Variants in IGF2R observed in about 807,000 individuals in gnomAD.
IGF2R encodes the protein insulin like growth factor 2 receptor.
In IGF2R, 91 loss-of-function variants were observed where a neutral mutation model predicts 270.6. That is an observed-to-expected ratio of 0.34 (90% confidence interval 0.28 to 0.40). IGF2R has a LOEUF of 0.40. Ranked by LOEUF, IGF2R falls within the 10% of genes least tolerant of loss-of-function variation. The pLI, the probability that IGF2R is intolerant of heterozygous loss-of-function variation, is 1.00. For synonymous variants in IGF2R, 1,316 were observed against 1,258.9 expected, an observed-to-expected ratio of 1.05 and a Z score of -0.96; for missense variants, 2,805 against 3,188.3, an observed-to-expected ratio of 0.88 and a Z score of 2.90.
chr6:160,067,963 T>C (rs1158897479), intron 29 of IGF2R, among the ~76,000 whole-genome samples: 3 of 152,120 alleles, frequency 2.0e-5, no homozygotes, highest in Non-Finnish European at 4.4e-5. Flanking sequence ...CTTTGCAGAC[T>C]TGAGTTTTTC....
At chr6:160,048,245 C>T in intron 17 of IGF2R, 130 bp from the exon 18 acceptor site, 1 of 885,940 alleles carries the variant, frequency 1.1e-6, no homozygotes, top group South Asian at 1.5e-5. Context: ...CCAGACAAGC[C>T]AACTCCTGGT....
At chr6:160,096,672 C>T in intron 45 of IGF2R, 47 bp downstream of exon 45, 1 of 1,454,398 alleles carries the variant, frequency 6.9e-7, no homozygotes, top group Non-Finnish European at 9.5e-7. Context: ...CACATCTTCC[C>T]TTAAGAATAA....
intron 7 of IGF2R, among the ~76,000 whole-genome samples, chr6:160,031,962 C>A (rs1170117254): frequency 1.3e-5 from 2 of 152,142 alleles, no homozygotes; most frequent in African/African-American, 2.4e-5. Context: ...TCTGTAGAAG[C>A]AACACAATGG....
At chr6:159,988,435 C>G (rs1438120730) in intron 1 of IGF2R, among the ~76,000 whole-genome samples, 1 of 149,800 alleles carries the variant, frequency 6.7e-6, no homozygotes, top group East Asian at 2.0e-4. Context: ...ATGGCGTGAA[C>G]CCGGGAGGTG....
chr6:160,074,207 A>G (rs1778809663), intron 35 of IGF2R: 6 of 556,504 alleles, frequency 1.1e-5, no homozygotes, highest in Non-Finnish European at 1.9e-5. Context: ...TAACACGAAT[A>G]TGTGTGTAGG....
chr6:160,001,420 G>A (rs945964448), intron 2 of IGF2R, among the ~76,000 whole-genome samples: 4 of 151,958 alleles, frequency 2.6e-5, no homozygotes, highest in African/African-American at 9.7e-5. Flanking sequence ...GCACTGTGGT[G>A]TGTTGTATAA....
intron 1 of IGF2R, among the ~76,000 whole-genome samples, chr6:159,988,301 AT>A (rs1443521571): frequency 3.9e-5 from 6 of 151,974 alleles, no homozygotes; most frequent in Non-Finnish European, 5.9e-5. Flanking sequence ...GGATCACGAG[AT>A]CAGGAGATTA....
In IGF2R at chr6:159,969,360, G is replaced by C; in HGVS notation, c.114G>C (p.Thr38=). 7.7e-7 allele frequency: 1 copy of C among 1,295,646 alleles called. No individual in the cohort carries two copies. The highest frequency in any genetic ancestry group is 2.4e-5 in the South Asian group (1 of 41,136). 80.3% of individuals were successfully genotyped at this position (1,295,646 alleles called of 1,614,324 possible). A position where few individuals can be genotyped will look rare whatever the true frequency, so the allele number is the denominator to read the frequency against. ...LLLLVAAPGS[T]QAQAAPFPEL... is the part of the protein sequence containing the mutation. Reference sequence around the variant, plus strand: ...TGCTCGTCGCTGCCCCGGGGTCCACGCAGGCCCAGGCCGCCCCGTTCCCCG... The same window carrying C: ...TGCTCGTCGCTGCCCCGGGGTCCACCCAGGCCCAGGCCGCCCCGTTCCCCG... The change falls in exon 1 of 48, where the codon ACG becomes ACC. Residue 38 remains threonine, a synonymous_variant. Coordinates refer to ENST00000356956, the MANE Select transcript of IGF2R (RefSeq NM_000876.4).
intron 14 of IGF2R, among the ~76,000 whole-genome samples, 166 bp downstream of exon 14, chr6:160,046,048 G>A (rs1010933177): frequency 3.3e-5 from 5 of 152,196 alleles, no homozygotes; most frequent in African/African-American, 1.2e-4. Flanking sequence ...TTGAGATACT[G>A]AAAATACTAT....
Position 160,102,114 on chromosome 6 carries a change from G to C in IGF2R, c.6843-405G>C, listed in dbSNP as rs1426050788. 6.6e-6 allele frequency among the ~76,000 whole-genome samples: 1 copy of C among 152,230 alleles called. No homozygotes were observed. The highest frequency in any genetic ancestry group is 2.4e-5 in the African/African-American group (1 of 41,458). Reference sequence around the variant, plus strand: ...TGGTGGGCTGCGCTCACTGCTTCCAGAAGAAATTCTGAGAGGAAAGAGCTC... The same window carrying C: ...TGGTGGGCTGCGCTCACTGCTTCCACAAGAAATTCTGAGAGGAAAGAGCTC... On this transcript the variant is annotated intron_variant, in intron 45 of 47. Coordinates refer to ENST00000356956, the MANE Select transcript of IGF2R (RefSeq NM_000876.4). The surrounding 1 kb of genome is among the most constrained non-coding windows in gnomAD (Gnocchi z 4.5).
At chr6:160,038,267 G>A (rs971588621) in intron 10 of IGF2R, among the ~76,000 whole-genome samples, 2 of 152,204 alleles carry the variant, frequency 1.3e-5, no homozygotes, top group African/African-American at 4.8e-5. Flanking sequence ...TTGCTGATGA[G>A]TGGACAGAAA....
chr6:160,043,426 T>A, intron 12 of IGF2R, 138 bp downstream of exon 12: 1 of 1,023,298 alleles, frequency 9.8e-7, no homozygotes, highest in East Asian at 2.6e-5. Context: ...AATTTTTCAT[T>A]CATAACTCAA....
At chr6:160,095,785 G>A (rs961167218) in intron 44 of IGF2R, 1 of 152,472 alleles carries the variant, frequency 6.6e-6, no homozygotes, top group African/African-American at 2.4e-5. Flanking sequence ...CATATCTGCC[G>A]TTGGCTGACT....
chr6:160,050,461 G>T lies in IGF2R; in HGVS notation c.2515-12G>T. 1.2e-6 allele frequency: 2 copies of T among 1,601,024 alleles called. No individual in the cohort carries two copies. Among genetic ancestry groups the T allele is most frequent in the Non-Finnish European group, 1.7e-6 (2 of 1,169,444 alleles). ...CAGGGGGAAAAGCCTAACAAGACTG[G>T]TTTTCTTGCAGGGCTCCTTCACTGA... On this transcript the variant is annotated splice_polypyrimidine_tract_variant and intron_variant, in intron 18 of 47. Coordinates refer to ENST00000356956, the MANE Select transcript of IGF2R (RefSeq NM_000876.4). This position sits in a 1 kb window ranked among gnomAD's most constrained non-coding sequence, Gnocchi z 4.0.
chr6:160,034,102 GCTGT>G (rs1486764521), intron 9 of IGF2R, among the ~76,000 whole-genome samples: 1 of 152,232 alleles, frequency 6.6e-6, no homozygotes, highest in East Asian at 1.9e-4. Context: ...TGTTAAGAAG[GCTGT>G]CTAATTCTTG....
chr6:160,048,551 T>C lies in IGF2R; in HGVS notation c.2514+8T>C. ...AAGTATGAAAAAGATCAGGTGAATC[T>C]GTTTTCACTGCTTGTCTCCTTTGCC... On this transcript the variant is annotated splice_region_variant and intron_variant, in intron 18 of 47. Transcript: ENST00000356956. 1.2e-6 allele frequency: 2 copies of C among 1,612,060 alleles called. No homozygotes were observed. The highest frequency in any genetic ancestry group is 1.7e-6 in the Non-Finnish European group (2 of 1,179,022).
intron 2 of IGF2R, among the ~76,000 whole-genome samples, chr6:159,997,633 C>T (rs1045036492): frequency 3.3e-5 from 5 of 152,184 alleles, no homozygotes; most frequent in Admixed American, 6.5e-5. Flanking sequence ...GGCTCCTAGC[C>T]GCTCTCTGCC....
At chr6:160,060,844 G>GGTTATGTAC in intron 23 of IGF2R, 127 bp downstream of exon 23, 1 of 800,408 alleles carries the variant, frequency 1.2e-6, no homozygotes, top group Non-Finnish European at 2.0e-6. Context: ...TGGTTATGCA[G>GGTTATGTAC]GCAGCGTGAC....
At position 160,104,830 on chromosome 6, in the gene IGF2R, G is replaced by A. The variant is rs1240808824; in HGVS notation, c.7222G>A (p.Asp2408Asn). The part of the protein sequence containing the change: ...ALSSLHGDDQ[D>N]SEDEVLTIPE... The stretch of plus-strand genomic sequence containing the variant: ...CAGCTCCCTGCATGGGGATGACCAG[G>A]ACAGTGAGGATGAGGTTCTGACCAT... The change falls in exon 48 of 48, where the codon GAC becomes AAC. Residue 2408 changes from aspartate (D) to asparagine (N), a missense_variant. Physicochemically the swap from Asp to Asn is conservative, Grantham distance 23. Coordinates refer to ENST00000356956, the MANE Select transcript of IGF2R (RefSeq NM_000876.4). The A allele has an allele frequency of 6.2e-7, 1 of 1,614,096 alleles. No homozygotes were observed. The highest frequency in any genetic ancestry group is 8.5e-7 in the Non-Finnish European group (1 of 1,180,052).
Sources: gnomAD v4.1 joint callset for allele counts (sites outside exome capture counted in the v4.1 genomes callset) on GRCh38, gnomAD v4.1.1 for gene constraint, Gnocchi (gnomAD v3.1) non-coding constraint, MANE v1.5 for transcripts, NCBI Gene and HGNC (gene_info 2026-07-23, HGNC 2026-07-21) for gene names.